HPD: variants seen among roughly 807,000 people sequenced by gnomAD.
HPD encodes the protein 4-hydroxyphenylpyruvic acid oxidase.
A neutral mutation model predicts 56.9 loss-of-function variants in HPD; 35 were observed. The ratio of observed to expected loss-of-function variants is 0.62; its 90% CI spans 0.47 to 0.82. The LOEUF is 0.82. Among genes scored for constraint, HPD ranks in the 40% least tolerant of loss-of-function variants. HPD has a pLI of 0.00. For synonymous variants in HPD, 186 were observed against 200.2 expected, an observed-to-expected ratio of 0.93 and a Z score of 0.60; for missense variants, 442 against 506.8, an observed-to-expected ratio of 0.87 and a Z score of 1.23.
At chr12:121,844,565 T>G (rs1232986651) in intron 11 of HPD, among the ~76,000 whole-genome samples, 1 of 142,244 alleles carries the variant, frequency 7.0e-6, no homozygotes, top group African/African-American at 2.7e-5. Flanking sequence ...CTGACCAACA[T>G]GGCAAAATCC....
the HPD span, among the ~76,000 whole-genome samples, chr12:121,885,651 A>G: frequency 5.9e-5 from 9 of 151,914 alleles, no homozygotes; most frequent in Non-Finnish European, 1.3e-4. Flanking sequence ...GTGGGAGGAT[A>G]TTACAATTTT....
intron 12 of HPD, among the ~76,000 whole-genome samples, chr12:121,841,845 C>T (rs1293127894): frequency 1.3e-5 from 2 of 152,010 alleles, no homozygotes; most frequent in African/African-American, 4.8e-5. Flanking sequence ...CTATCACACC[C>T]AGCTAATTTT....
At chr12:121,880,211 C>CT in the HPD span, among the ~76,000 whole-genome samples, 1 of 146,318 alleles carries the variant, frequency 6.8e-6, no homozygotes, top group South Asian at 2.2e-4. Context: ...TTCTTTCTTT[C>CT]TTTTTTTTTC....
At chr12:121,876,585 C>T in the HPD span, among the ~76,000 whole-genome samples, 2 of 152,140 alleles carry the variant, frequency 1.3e-5, no homozygotes, top group African/African-American at 4.8e-5. Flanking sequence ...TACTCAAGCC[C>T]AGCCATCGAT....
chr12:121,876,374 T>C, the HPD span, among the ~76,000 whole-genome samples: 1 of 152,018 alleles, frequency 6.6e-6, no homozygotes, highest in African/African-American at 2.4e-5. Flanking sequence ...CTCTCCTGAG[T>C]GAATAGGAGC....
At chr12:121,884,004 T>C in the HPD span, among the ~76,000 whole-genome samples, 1 of 152,082 alleles carries the variant, frequency 6.6e-6, no homozygotes, top group Admixed American at 6.6e-5. Flanking sequence ...AATTGCAACA[T>C]CATTATCTGA....
In HPD at chr12:121,857,966, C is replaced by T. The variant is rs1000562671; in HGVS notation, c.31-147G>A. Reference sequence around the variant, plus strand: ...CGGAACCCCATGCAGCCTTGCCAAGCCTCAAAAGAGGTTTCTCATGTGGAA... The same window carrying T: ...CGGAACCCCATGCAGCCTTGCCAAGTCTCAAAAGAGGTTTCTCATGTGGAA... On this transcript the variant is annotated intron_variant, in intron 2 of 13. Coordinates refer to ENST00000289004, the MANE Select transcript of HPD (RefSeq NM_002150.3). The T allele has an allele frequency of 9.8e-6, 7 of 713,946 alleles. No homozygotes were observed. The African/African-American group carries it at 1.1e-4, about 11-fold the overall frequency. The allele number at this position is 713,946 out of a possible 1,614,324, so 44.2% of individuals were successfully genotyped here.
chr12:121,849,052 G>T lies in HPD; in HGVS notation c.543C>A (p.Ile181=), dbSNP rs756242095. The change falls in exon 9 of 14, where the codon ATC becomes ATA. Residue 181 remains isoleucine, a synonymous_variant. Transcript: ENST00000289004. ...CAGGCTGGTTTCCCACAATGTGGTC[G>T]ATCATCTCCAGACTGCATTTGGGCC... is the stretch of plus-strand genomic sequence containing the variant. ...PKLPKCSLEM[I]DHIVGNQPDQ... 8.1e-6 allele frequency: 13 copies of T among 1,613,666 alleles called. No individual in the cohort carries two copies. The African/African-American group carries it at 1.7e-4, about 22-fold the overall frequency.
intron 5 of HPD, 72 bp from the exon 6 acceptor site, chr12:121,856,478 T>A (rs748551027): frequency 2.4e-5 from 39 of 1,592,730 alleles, no homozygotes; most frequent in Non-Finnish European, 3.3e-5. Context: ...TTAGTCTCCA[T>A]CCAGGCCCTG....
chr12:121,845,494 G>A (rs1333365592), intron 11 of HPD, among the ~76,000 whole-genome samples: 1 of 150,568 alleles, frequency 6.6e-6, no homozygotes, highest in Non-Finnish European at 1.5e-5. Context: ...CCAGCTACTT[G>A]GGAGGCTGAG....
chr12:121,878,510 G>A, the HPD span, among the ~76,000 whole-genome samples: 4 of 151,954 alleles, frequency 2.6e-5, no homozygotes, highest in African/African-American at 9.7e-5. Context: ...CACCACGCCC[G>A]GCTAATTTTT....
chr12:121,871,968 C>T, the HPD span, among the ~76,000 whole-genome samples: 2 of 150,866 alleles, frequency 1.3e-5, no homozygotes, highest in Admixed American at 6.6e-5. Flanking sequence ...CGCGGTGGCT[C>T]ACGACTGTAA....
At chr12:121,847,016 C>A (rs538124953) in intron 10 of HPD, 36 bp downstream of exon 10, 1 of 1,614,008 alleles carries the variant, frequency 6.2e-7, no homozygotes, top group South Asian at 1.1e-5. Context: ...AGACCTCTTC[C>A]CTGCTCCCCT....
intron 11 of HPD, among the ~76,000 whole-genome samples, 177 bp downstream of exon 11, chr12:121,846,685 T>C (rs1414923533): frequency 6.6e-6 from 1 of 152,050 alleles, no homozygotes; most frequent in Non-Finnish European, 1.5e-5. Flanking sequence ...CTGAACTCTC[T>C]GGGGGTGGGT....
chr12:121,879,450 C>A, the HPD span, among the ~76,000 whole-genome samples: 279 of 150,782 alleles, frequency 1.9e-3, 5 homozygotes, highest in African/African-American at 6.5e-3. Context: ...CCCACCCAGA[C>A]TACTCTTTTC....
intron 11 of HPD, among the ~76,000 whole-genome samples, chr12:121,844,683 C>G (rs1265465319): frequency 1.3e-5 from 2 of 151,676 alleles, no homozygotes; most frequent in Non-Finnish European, 2.9e-5. Flanking sequence ...GAGATCAAGA[C>G]CATCCTGGCT....
At chr12:121,871,720 G>C in the HPD span, among the ~76,000 whole-genome samples, 2 of 152,126 alleles carry the variant, frequency 1.3e-5, no homozygotes, top group South Asian at 4.1e-4. Context: ...TGATGGCTGG[G>C]AGGGACCAGA....
chr12:121,886,085 G>T, the HPD span, among the ~76,000 whole-genome samples: 1 of 150,696 alleles, frequency 6.6e-6, no homozygotes, highest in Non-Finnish European at 1.5e-5. Flanking sequence ...GTAAGCCACC[G>T]CACCTGGCCA....
chr12:121,842,437 T>C (rs531406876), intron 12 of HPD, among the ~76,000 whole-genome samples: 1 of 151,944 alleles, frequency 6.6e-6, no homozygotes, highest in East Asian at 1.9e-4. Flanking sequence ...GGCCTAACTG[T>C]TTTTGTTTTT....
Sources: gnomAD v4.1 joint callset for allele counts (sites outside exome capture counted in the v4.1 genomes callset) on GRCh38, gnomAD v4.1.1 for gene constraint, MANE v1.5 for transcripts, NCBI Gene and HGNC (gene_info 2026-07-23, HGNC 2026-07-21) for gene names.